The following GNA14 variants were observed in gnomAD, a reference collection of about 807,000 sequenced individuals.
GNA14 encodes the protein G protein subunit alpha 14, also known as guanine nucleotide-binding protein subunit alpha-14.
In GNA14, 50 loss-of-function variants were observed where a neutral mutation model predicts 42.0. That is an observed-to-expected ratio of 1.19 (90% CI 0.95 to 1.51). The LOEUF (loss-of-function observed/expected upper bound fraction) is 1.51. GNA14 is among the 40% of genes most tolerant of loss of function. GNA14 has a pLI of 0.00. For missense variants in GNA14, 473 were observed against 446.2 expected (o/e 1.06, Z -0.54); for synonymous variants, 173 against 163.1 (o/e 1.06, Z -0.46).
At chr9:77,484,381 T>C (rs1836618815) in intron 2 of GNA14, among the ~76,000 whole-genome samples, 2 of 152,102 alleles carry the variant, frequency 1.3e-5, no homozygotes, top group Non-Finnish European at 2.9e-5. Flanking sequence ...AAAAAGAGAA[T>C]TGTGATCATG....
At chr9:77,532,159 T>C (rs1413635060) in intron 1 of GNA14, among the ~76,000 whole-genome samples, 1 of 152,050 alleles carries the variant, frequency 6.6e-6, no homozygotes, top group African/African-American at 2.4e-5. Flanking sequence ...ATCAGAAAGA[T>C]TAAATTGGTT....
chr9:77,515,830 G>C (rs568048612), intron 2 of GNA14, among the ~76,000 whole-genome samples: 1 of 151,720 alleles, frequency 6.6e-6, no homozygotes, highest in Admixed American at 6.6e-5. Flanking sequence ...CAGGCCTGGG[G>C]GTGTGCACCT....
At chr9:77,478,310 G>A (rs1184109651) in intron 2 of GNA14, among the ~76,000 whole-genome samples, 2 of 151,978 alleles carry the variant, frequency 1.3e-5, no homozygotes, top group African/African-American at 2.4e-5. Context: ...AGTTTACTGA[G>A]AATGATGATT....
At chr9:77,452,717 G>C (rs756124210) in intron 2 of GNA14, among the ~76,000 whole-genome samples, 15 of 55,260 alleles carry the variant, frequency 2.7e-4, no homozygotes, top group Non-Finnish European at 6.0e-4. Flanking sequence ...GAAAGTTTGT[G>C]TCTCTCCAAA....
At chr9:77,604,003 G>T (rs1473307779) in intron 1 of GNA14, among the ~76,000 whole-genome samples, 4 of 137,286 alleles carry the variant, frequency 2.9e-5, no homozygotes, top group African/African-American at 1.1e-4. Flanking sequence ...AAAGTCTAGA[G>T]AGTCACTATC....
intron 2 of GNA14, among the ~76,000 whole-genome samples, chr9:77,489,458 C>T (rs912021006): frequency 7.2e-5 from 11 of 152,144 alleles, no homozygotes; most frequent in Non-Finnish European, 4.4e-5. Context: ...AGTAAGACGA[C>T]CCCAAGGCAT....
intron 2 of GNA14, among the ~76,000 whole-genome samples, chr9:77,461,809 T>A (rs1470170011): frequency 6.6e-6 from 1 of 152,234 alleles, no homozygotes; most frequent in African/African-American, 2.4e-5. Context: ...CAGTGCTTTC[T>A]GATATTCTCC....
chr9:77,493,789 C>T (rs1427176354), intron 2 of GNA14, among the ~76,000 whole-genome samples: 1 of 152,070 alleles, frequency 6.6e-6, no homozygotes, highest in Non-Finnish European at 1.5e-5. Flanking sequence ...TTGCAATGCC[C>T]TATCATTGGT....
At chr9:77,442,154 T>C (rs1455731261) in intron 2 of GNA14, among the ~76,000 whole-genome samples, 1 of 152,192 alleles carries the variant, frequency 6.6e-6, no homozygotes, top group Non-Finnish European at 1.5e-5. Flanking sequence ...CACGGATCAC[T>C]TGAGGCCAGG....
In GNA14 at chr9:77,548,108, A is replaced by C. The variant is rs145854792; in HGVS notation, c.125-18855T>G. On this transcript the variant is annotated intron_variant, in intron 1 of 6. Coordinates refer to ENST00000341700, the MANE Select transcript of GNA14 (RefSeq NM_004297.4). ...GTTTCTTAGGCTGCTGTAACAAAGTACCTCATACTGGCTGGCTTAAAACCC... is the reference window on the plus strand; with the variant it reads ...GTTTCTTAGGCTGCTGTAACAAAGTCCCTCATACTGGCTGGCTTAAAACCC... Among the ~76,000 whole-genome samples the C allele has an allele frequency of 3.3e-5, 5 of 152,250 alleles. No homozygotes were observed. In the East Asian group the frequency reaches 9.7e-4, roughly 29 times the overall value.
At chr9:77,646,917 C>A (rs1361382226) in intron 1 of GNA14, among the ~76,000 whole-genome samples, 1 of 152,188 alleles carries the variant, frequency 6.6e-6, no homozygotes, top group South Asian at 2.1e-4. Flanking sequence ...TGGATGAAGA[C>A]CTGCCAGAGG....
chr9:77,634,641 C>G (rs953892373), intron 1 of GNA14, among the ~76,000 whole-genome samples: 2 of 152,102 alleles, frequency 1.3e-5, no homozygotes, highest in Admixed American at 6.6e-5. Flanking sequence ...CAAAAAAAAT[C>G]AATTCTGGAA....
At chr9:77,547,046 A>T (rs140232779) in intron 1 of GNA14, among the ~76,000 whole-genome samples, 1 of 152,362 alleles carries the variant, frequency 6.6e-6, no homozygotes, top group Non-Finnish European at 1.5e-5. Flanking sequence ...AAGAAAATCC[A>T]TAAGCAACCA....
chr9:77,500,974 G>A (rs1265745397), intron 2 of GNA14, among the ~76,000 whole-genome samples: 1 of 144,742 alleles, frequency 6.9e-6, no homozygotes, highest in Middle Eastern at 3.6e-3. Context: ...TTTTTTTTTT[G>A]AGACAGAATC....
intron 1 of GNA14, among the ~76,000 whole-genome samples, chr9:77,609,517 T>C (rs984573531): frequency 6.6e-6 from 1 of 152,172 alleles, no homozygotes; most frequent in Admixed American, 6.5e-5. Flanking sequence ...TTCCACATTT[T>C]TAGATATTTG....
chr9:77,424,412 G>T (rs764056623), intron 6 of GNA14, among the ~76,000 whole-genome samples: 1 of 152,062 alleles, frequency 6.6e-6, no homozygotes, highest in Non-Finnish European at 1.5e-5. Flanking sequence ...TAGTAGAAAC[G>T]GGGTTTTACC....
intron 1 of GNA14, among the ~76,000 whole-genome samples, chr9:77,606,683 AGTTTTGTGGATT>A (rs1408134920): frequency 6.6e-6 from 1 of 152,182 alleles, no homozygotes; most frequent in Non-Finnish European, 1.5e-5. Flanking sequence ...CTGGGGAAGC[AGTTTTGTGGATT>A]GTTGTGAAAG....
chr9:77,585,747 T>C (rs961903663), intron 1 of GNA14, among the ~76,000 whole-genome samples: 3 of 152,338 alleles, frequency 2.0e-5, no homozygotes, highest in South Asian at 2.1e-4. Context: ...TCTACTAATA[T>C]TGCCTGTGAC....
chr9:77,590,851 G>A (rs1285857319), intron 1 of GNA14, among the ~76,000 whole-genome samples: 1 of 151,988 alleles, frequency 6.6e-6, no homozygotes. Context: ...GAAAAGCACA[G>A]GCCAAGCATC....
Sources: allele counts gnomAD v4.1 joint callset (sites outside exome capture counted in the v4.1 genomes callset), GRCh38; gene constraint gnomAD v4.1.1; transcripts MANE v1.5; gene names NCBI Gene and HGNC (gene_info 2026-07-23, HGNC 2026-07-21).